Variants in NPAS3 observed in about 807,000 individuals in gnomAD.
The protein encoded by NPAS3 is neuronal PAS domain protein 3.
NPAS3 carries 14 observed loss-of-function variants against 73.1 expected under a neutral mutation model. That is an observed-to-expected ratio of 0.19 (90% CI 0.13 to 0.30). The LOEUF (loss-of-function observed/expected upper bound fraction) is 0.30. Among genes scored for constraint, NPAS3 ranks in the 10% least tolerant of loss-of-function variants. The probability of loss-of-function intolerance (pLI) is 1.00; values close to 1 mark genes in which losing one functional copy is unlikely to be tolerated. For synonymous variants in NPAS3, 620 were observed against 541.5 expected, an observed-to-expected ratio of 1.14 and a Z score of -2.01; for missense variants, 1,096 against 1,250.0, an observed-to-expected ratio of 0.88 and a Z score of 1.86.
chr14:33,402,904 A>C (rs1378959991), intron 4 of NPAS3, among the ~76,000 whole-genome samples: 1 of 152,136 alleles, frequency 6.6e-6, no homozygotes, highest in East Asian at 1.9e-4. Context: ...TGAATGATCA[A>C]GTTCCAGCAG....
chr14:33,148,978 G>A (rs992814745), intron 2 of NPAS3, among the ~76,000 whole-genome samples: 1 of 151,940 alleles, frequency 6.6e-6, no homozygotes. Context: ...GATACCCCGC[G>A]AGCCACCGGG....
chr14:33,492,882 CT>C (rs973937124), intron 4 of NPAS3, among the ~76,000 whole-genome samples: 33 of 152,118 alleles, frequency 2.2e-4, no homozygotes, highest in Non-Finnish European at 3.7e-4. Flanking sequence ...TTAGATTGAC[CT>C]TTTTGAGGAG....
intron 3 of NPAS3, among the ~76,000 whole-genome samples, chr14:33,325,168 A>G (rs1343409716): frequency 1.3e-5 from 2 of 152,150 alleles, no homozygotes; most frequent in Non-Finnish European, 2.9e-5. Context: ...TTTTTTTAAA[A>G]AATTAATTTT....
chr14:33,003,070 C>CT (rs76957822), intron 1 of NPAS3, among the ~76,000 whole-genome samples: 224 of 141,240 alleles, frequency 1.6e-3, no homozygotes, highest in Middle Eastern at 0.011. Context: ...ATTTTTGTTT[C>CT]TTTTTTTTTT....
At chr14:33,378,580 G>A (rs2046403748) in intron 4 of NPAS3, among the ~76,000 whole-genome samples, 1 of 152,118 alleles carries the variant, frequency 6.6e-6, no homozygotes, top group African/African-American at 2.4e-5. Context: ...AGACTGCAGT[G>A]AGCCAGGAGC....
chr14:33,569,037 A>G (rs12434606), intron 5 of NPAS3, among the ~76,000 whole-genome samples: 2,844 of 152,244 alleles, frequency 0.019, 169 homozygotes, highest in East Asian at 0.18. Flanking sequence ...TTATAAATGC[A>G]TACAATTTGT....
At chr14:33,238,038 A>G (rs552507950) in intron 3 of NPAS3, among the ~76,000 whole-genome samples, 8 of 152,144 alleles carry the variant, frequency 5.3e-5, no homozygotes, top group African/African-American at 1.2e-4. Context: ...AAAAATTAAA[A>G]CATTGATTGG....
chr14:33,785,929 A>C (rs543967531), intron 9 of NPAS3, among the ~76,000 whole-genome samples: 181 of 152,338 alleles, frequency 1.2e-3, no homozygotes, highest in Non-Finnish European at 1.8e-3. Flanking sequence ...AAAGTGCGGA[A>C]GGGGTCAGTC....
chr14:33,252,857 G>A (rs181924537), intron 3 of NPAS3, among the ~76,000 whole-genome samples: 1 of 151,646 alleles, frequency 6.6e-6, no homozygotes, highest in Non-Finnish European at 1.5e-5. Context: ...TGTACCCATT[G>A]TTTGGCTCCT....
At chr14:33,119,038 A>T (rs1437723147) in intron 2 of NPAS3, among the ~76,000 whole-genome samples, 2 of 151,662 alleles carry the variant, frequency 1.3e-5, no homozygotes, top group African/African-American at 4.8e-5. Flanking sequence ...CAAAAAGAAC[A>T]TTTTTTTTCC....
At chr14:33,551,386 TAA>T (rs2055107214) in intron 4 of NPAS3, among the ~76,000 whole-genome samples, 1 of 152,206 alleles carries the variant, frequency 6.6e-6, no homozygotes, top group African/African-American at 2.4e-5. Flanking sequence ...AGCCTGTTTT[TAA>T]AAGTCTCCCA....
intron 2 of NPAS3, among the ~76,000 whole-genome samples, chr14:33,176,465 C>A (rs2045593417): frequency 6.6e-6 from 1 of 152,148 alleles, no homozygotes; most frequent in African/African-American, 2.4e-5. Context: ...TAAGTGGGCT[C>A]ATAAAATATT....
chr14:33,115,086 C>T (rs1002136182), intron 2 of NPAS3, among the ~76,000 whole-genome samples: 1 of 152,014 alleles, frequency 6.6e-6, no homozygotes, highest in African/African-American at 2.4e-5. Context: ...ACATCACTAA[C>T]ATTATTGAGT....
chr14:32,951,847 C>T (rs1306081736), intron 1 of NPAS3, among the ~76,000 whole-genome samples: 1 of 152,000 alleles, frequency 6.6e-6, no homozygotes, highest in African/African-American at 2.4e-5. Flanking sequence ...TTAAAAAGCA[C>T]TTTCTCCTAA....
At chr14:33,592,941 A>G (rs529496872) in intron 5 of NPAS3, among the ~76,000 whole-genome samples, 9 of 152,228 alleles carry the variant, frequency 5.9e-5, no homozygotes, top group Admixed American at 1.3e-4. Context: ...AAATTTTGCA[A>G]ACTTACCTAG....
At chr14:33,132,847 G>C (rs1230707787) in intron 2 of NPAS3, among the ~76,000 whole-genome samples, 1 of 152,106 alleles carries the variant, frequency 6.6e-6, no homozygotes, top group African/African-American at 2.4e-5. Context: ...TACCTGTTAT[G>C]CTGCATACAT....
At chr14:33,774,394 G>A (rs146677388) in exon 8 of NPAS3, 115 of 1,614,052 alleles carry the variant, frequency 7.1e-5, no homozygotes, top group African/African-American at 5.2e-4. Flanking sequence ...CGGGAGGACC[G>A]TCCCCAGCCA....
intron 4 of NPAS3, among the ~76,000 whole-genome samples, chr14:33,433,053 T>A (rs1285916551): frequency 6.6e-6 from 1 of 152,206 alleles, no homozygotes; most frequent in Non-Finnish European, 1.5e-5. Flanking sequence ...ATTTTTAATG[T>A]TTATTTGTTC....
chr14:33,683,224 C>T (rs1429513999), intron 6 of NPAS3, among the ~76,000 whole-genome samples: 1 of 151,866 alleles, frequency 6.6e-6, no homozygotes, highest in Admixed American at 6.6e-5. Context: ...AGTTTATATG[C>T]AGCATTCTTT....
Sources: gnomAD v4.1 joint callset for allele counts (sites outside exome capture counted in the v4.1 genomes callset) on GRCh38, gnomAD v4.1.1 for gene constraint, MANE v1.5 for transcripts, NCBI Gene and HGNC (gene_info 2026-07-23, HGNC 2026-07-21) for gene names.